Variants in IL17RD observed in about 807,000 individuals in gnomAD.
IL17RD encodes interleukin-17 receptor D.
Under a neutral mutation model 80.5 loss-of-function variants are expected in IL17RD, and 52 were observed. The observed-to-expected ratio is 0.65, with a 90% CI of 0.52 to 0.81. The LOEUF (loss-of-function observed/expected upper bound fraction) is 0.81. IL17RD is among the 40% of genes least tolerant of loss of function. The probability of loss-of-function intolerance (pLI) is 0.00; values close to 1 mark genes in which losing one functional copy is unlikely to be tolerated. For missense variants in IL17RD, 1,024 were observed against 955.1 expected, an observed-to-expected ratio of 1.07 and a Z score of -0.95; for synonymous variants, 416 against 391.8, an observed-to-expected ratio of 1.06 and a Z score of -0.73.
Position 57,102,521 on chromosome 3 carries a change from A to AT in IL17RD, c.936dup (p.Phe313IlefsTer23). 1 of 1,580,984 alleles carries AT rather than the reference A, an allele frequency of 6.3e-7. No individual in the cohort carries two copies. Among genetic ancestry groups the AT allele is most frequent in the South Asian group, 1.1e-5 (1 of 87,854 alleles). ...CACATCACAGTGAAGAGCGTCGCGAATGCCGATATGACTACCAGTGGCACT... is the reference window on the plus strand; with the variant it reads ...CACATCACAGTGAAGAGCGTCGCGAATTGCCGATATGACTACCAGTGGCACT... On this transcript the variant is annotated frameshift_variant, in exon 10 of 13. Coordinates refer to ENST00000296318, the MANE Select transcript of IL17RD (RefSeq NM_017563.5). LOFTEE classifies it high-confidence loss of function.
At chr3:57,143,194 A>G (rs1282856846) in intron 1 of IL17RD, among the ~76,000 whole-genome samples, 1 of 152,232 alleles carries the variant, frequency 6.6e-6, no homozygotes, top group Non-Finnish European at 1.5e-5. Context: ...GACCTACCTT[A>G]AAGTGTGTTT....
intron 1 of IL17RD, among the ~76,000 whole-genome samples, chr3:57,154,279 T>TACACACACACACAC (rs779041353): frequency 4.7e-5 from 6 of 126,340 alleles, no homozygotes; most frequent in African/African-American, 2.0e-4. Context: ...TATATATATA[T>TACACACACACACAC]ATATACACAC....
chr3:57,114,626 T>A, intron 3 of IL17RD, 66 bp downstream of exon 3: 2 of 1,473,958 alleles, frequency 1.4e-6, no homozygotes, highest in South Asian at 2.8e-5. Flanking sequence ...GACCATCATG[T>A]GGGACCTTTG....
intron 1 of IL17RD, among the ~76,000 whole-genome samples, chr3:57,125,127 C>A (rs1303187224): frequency 6.6e-6 from 1 of 152,192 alleles, no homozygotes; most frequent in African/African-American, 2.4e-5. Flanking sequence ...TATGAATAGG[C>A]TGGGTGCAGT....
chr3:57,098,206 T>C lies in IL17RD; in HGVS notation c.1497A>G (p.Arg499=), dbSNP rs529212596. 1.4e-5 allele frequency: 22 copies of C among 1,613,696 alleles called. No homozygotes were observed. The highest frequency in any genetic ancestry group is 8.3e-5 in the Admixed American group (5 of 59,990). ...AGAGCTGAGGAAGATTGTCCATGAGTCTGTACTTGGTACTCAGGTCTAGGA... is the reference window on the plus strand; with the variant it reads ...AGAGCTGAGGAAGATTGTCCATGAGCCTGTACTTGGTACTCAGGTCTAGGA... ...PGILDLSTKY[R]LMDNLPQLCS... The change falls in exon 12 of 13, where the codon AGA becomes AGG. Residue 499 remains arginine (R), a synonymous_variant. Coordinates refer to ENST00000296318, the MANE Select transcript of IL17RD (RefSeq NM_017563.5).
intron 1 of IL17RD, among the ~76,000 whole-genome samples, chr3:57,146,788 C>T (rs577772624): frequency 9.7e-5 from 14 of 144,550 alleles, no homozygotes; most frequent in African/African-American, 3.3e-4. Context: ...ATTATATAAA[C>T]GTCAATATTT....
chr3:57,157,703 G>C (rs2060277606), intron 1 of IL17RD, among the ~76,000 whole-genome samples: 1 of 152,208 alleles, frequency 6.6e-6, no homozygotes, highest in African/African-American at 2.4e-5. Flanking sequence ...ATAAAAGGGG[G>C]CCGTTTTGGG....
At chr3:57,152,183 G>T (rs908012205) in intron 1 of IL17RD, among the ~76,000 whole-genome samples, 2 of 152,066 alleles carry the variant, frequency 1.3e-5, no homozygotes, top group East Asian at 3.9e-4. Flanking sequence ...AAGGCAAGCT[G>T]CCCCCCGCCC....
At chr3:57,101,150 G>A (rs1396926800) in intron 11 of IL17RD, 29 bp downstream of exon 11, 1 of 1,597,386 alleles carries the variant, frequency 6.3e-7, no homozygotes. Context: ...TCCTGGCCAG[G>A]GTAGGAGAAG....
At chr3:57,140,296 T>C (rs1432385237) in intron 1 of IL17RD, among the ~76,000 whole-genome samples, 1 of 152,212 alleles carries the variant, frequency 6.6e-6, no homozygotes, top group Non-Finnish European at 1.5e-5. Context: ...CTACCCACAC[T>C]GAACTACGAG....
intron 1 of IL17RD, among the ~76,000 whole-genome samples, chr3:57,142,273 A>G (rs1707842762): frequency 6.6e-6 from 1 of 152,204 alleles, no homozygotes; most frequent in Non-Finnish European, 1.5e-5. Context: ...GAAAAATGGG[A>G]GCCAATACAT....
At chr3:57,159,647 C>CG (rs1229682593) in intron 1 of IL17RD, among the ~76,000 whole-genome samples, 1 of 152,158 alleles carries the variant, frequency 6.6e-6, no homozygotes, top group African/African-American at 2.4e-5. Context: ...GACAGCCCCC[C>CG]GGCTGACTGA....
chr3:57,149,351 G>A (rs1197039450), intron 1 of IL17RD, among the ~76,000 whole-genome samples: 3 of 151,284 alleles, frequency 2.0e-5, no homozygotes, highest in Non-Finnish European at 4.4e-5. Flanking sequence ...CTCTGCCTGG[G>A]CAGATCTCAG....
At chr3:57,127,193 TATATAA>T (rs1707478137) in intron 1 of IL17RD, among the ~76,000 whole-genome samples, 1 of 118,864 alleles carries the variant, frequency 8.4e-6, no homozygotes, top group African/African-American at 4.2e-5. Context: ...TATATATATA[TATATAA>T]ATATATATAA....
chr3:57,151,923 A>C (rs3915652), intron 1 of IL17RD, among the ~76,000 whole-genome samples: 10,310 of 152,186 alleles, frequency 0.068, 1,157 homozygotes, highest in African/African-American at 0.23. Flanking sequence ...CCACTGCTCT[A>C]AATCAAAGTC....
chr3:57,107,104 C>T (rs1272086358), intron 5 of IL17RD, among the ~76,000 whole-genome samples: 1 of 152,090 alleles, frequency 6.6e-6, no homozygotes, highest in African/African-American at 2.4e-5. Context: ...GAGGGCCGGG[C>T]GCGGTGGCTC....
At position 57,109,574 on chromosome 3, in the gene IL17RD, G is replaced by A. The variant is rs747839903; in HGVS notation, c.513C>T (p.Asn171=). The change falls in exon 5 of 13, where the codon AAC becomes AAT. Residue 171 remains asparagine (N), a synonymous_variant. Coordinates refer to ENST00000296318, the MANE Select transcript of IL17RD (RefSeq NM_017563.5). ...AGAAGAAAGGGTGGTAATTGCTTTC[G>A]TTTTTAATGGAAGGAAAAGGGACAA... ...VKVVPFPSIK[N]ESNYHPFFFR... 43 of 1,613,622 alleles carry A rather than the reference G, an allele frequency of 2.7e-5. No individual in the cohort carries two copies. Among genetic ancestry groups the A allele is most frequent in the African/African-American group, 6.7e-5 (5 of 74,902 alleles).
At chr3:57,108,950 C>T (rs1707029342) in intron 5 of IL17RD, among the ~76,000 whole-genome samples, 1 of 151,596 alleles carries the variant, frequency 6.6e-6, no homozygotes, top group Non-Finnish European at 1.5e-5. Context: ...CCTGGTAATG[C>T]AGACTGTCTT....
At chr3:57,155,258 A>G (rs1007803587) in intron 1 of IL17RD, among the ~76,000 whole-genome samples, 1 of 152,268 alleles carries the variant, frequency 6.6e-6, no homozygotes, top group Admixed American at 6.5e-5. Flanking sequence ...TTCCGTTCAC[A>G]TCGTTTCAGA....
Sources: allele counts gnomAD v4.1 joint callset (sites outside exome capture counted in the v4.1 genomes callset), GRCh38; gene constraint gnomAD v4.1.1; transcripts MANE v1.5; gene names NCBI Gene and HGNC (gene_info 2026-07-23, HGNC 2026-07-21).